KIAA1671: variants seen among roughly 807,000 people sequenced by gnomAD.
KIAA1671 encodes uncharacterized protein KIAA1671.
KIAA1671 carries 52 observed loss-of-function variants against 131.2 expected under a neutral mutation model. The observed-to-expected ratio is 0.40, with a 90% CI of 0.32 to 0.50. KIAA1671 has a LOEUF of 0.50. Among genes scored for constraint, KIAA1671 ranks in the 20% least tolerant of loss-of-function variants. The probability of loss-of-function intolerance (pLI) is 0.73; values close to 1 mark genes in which losing one functional copy is unlikely to be tolerated. For missense variants in KIAA1671, 2,360 were observed against 2,364.2 expected (o/e 1.00, Z 0.04); for synonymous variants, 1,003 against 961.6 (o/e 1.04, Z -0.80).
At chr22:25,045,471 T>C (rs1436605950) in intron 5 of KIAA1671, among the ~76,000 whole-genome samples, 3 of 152,230 alleles carry the variant, frequency 2.0e-5, no homozygotes, top group African/African-American at 4.8e-5. Flanking sequence ...TTGCAGTTTG[T>C]AGGTTGAGGA....
chr22:24,981,386 G>GGT (rs779546662), intron 1 of KIAA1671, among the ~76,000 whole-genome samples: 4 of 152,154 alleles, frequency 2.6e-5, no homozygotes, highest in Non-Finnish European at 5.9e-5. Context: ...GGCACACCCT[G>GGT]GTGTGTGTCT....
intron 1 of KIAA1671, among the ~76,000 whole-genome samples, chr22:24,957,763 C>T (rs1436546409): frequency 1.3e-5 from 2 of 149,650 alleles, no homozygotes; most frequent in Non-Finnish European, 1.5e-5. Flanking sequence ...CTGCAGCCTC[C>T]ACCTCCTGGG....
intron 1 of KIAA1671, among the ~76,000 whole-genome samples, chr22:24,990,518 T>C (rs1428884083): frequency 6.6e-6 from 1 of 152,162 alleles, no homozygotes; most frequent in African/African-American, 2.4e-5. Flanking sequence ...CACACCATGC[T>C]CACACACATG....
chr22:25,140,289 G>A (rs370650083), intron 6 of KIAA1671, among the ~76,000 whole-genome samples: 10 of 152,362 alleles, frequency 6.6e-5, no homozygotes, highest in African/African-American at 2.4e-4. Flanking sequence ...CTTGCCACAT[G>A]GGCTTTCTCA....
chr22:24,956,588 C>T (rs1179593529), intron 1 of KIAA1671, among the ~76,000 whole-genome samples: 2 of 152,164 alleles, frequency 1.3e-5, no homozygotes. Flanking sequence ...GCCAGCCAGC[C>T]GGGCGTGGTG....
At chr22:25,169,836 T>C (rs1357211172) in intron 6 of KIAA1671, among the ~76,000 whole-genome samples, 1 of 152,232 alleles carries the variant, frequency 6.6e-6, no homozygotes, top group Non-Finnish European at 1.5e-5. Flanking sequence ...GGGATTGATG[T>C]TGCCTGAAGC....
At chr22:25,113,397 C>T (rs747875722) in intron 6 of KIAA1671, among the ~76,000 whole-genome samples, 40 of 152,244 alleles carry the variant, frequency 2.6e-4, no homozygotes, top group Admixed American at 2.6e-3. Context: ...TGCCACCTGA[C>T]TGTGTTGGCC....
intron 4 of KIAA1671, among the ~76,000 whole-genome samples, chr22:25,036,785 G>A (rs909344310): frequency 2.0e-5 from 3 of 152,060 alleles, no homozygotes; most frequent in Admixed American, 1.3e-4. Context: ...TTAGCCAGGC[G>A]TGGTGGTGCA....
At chr22:25,109,354 C>T (rs908353756) in intron 6 of KIAA1671, among the ~76,000 whole-genome samples, 19 of 152,194 alleles carry the variant, frequency 1.2e-4, no homozygotes, top group African/African-American at 3.6e-4. Flanking sequence ...GTGATCCACC[C>T]GCCTCGGCCT....
intron 5 of KIAA1671, among the ~76,000 whole-genome samples, chr22:25,048,397 T>G (rs748671148): frequency 1.3e-5 from 2 of 152,118 alleles, no homozygotes; most frequent in Non-Finnish European, 2.9e-5. Context: ...CTGGGACATG[T>G]GGGGACACTG....
intron 6 of KIAA1671, among the ~76,000 whole-genome samples, chr22:25,072,188 C>T (rs1374512057): frequency 3.9e-5 from 6 of 152,186 alleles, no homozygotes; most frequent in African/African-American, 1.4e-4. Flanking sequence ...GGCCTAAGCT[C>T]ATCCTGGCCA....
intron 6 of KIAA1671, among the ~76,000 whole-genome samples, chr22:25,124,816 T>C (rs948244550): frequency 6.6e-6 from 1 of 152,128 alleles, no homozygotes; most frequent in Admixed American, 6.6e-5. Flanking sequence ...GAGTGCAGCA[T>C]TGTGATCATA....
At position 25,112,351 on chromosome 22, in the gene KIAA1671, C is replaced by A. The variant is rs1330582716; in HGVS notation, c.4531-58469C>A. 1.0e-5 allele frequency: 4 copies of A among 398,990 alleles called. No individual in the cohort carries two copies. In the Admixed American group the frequency reaches 1.8e-4, roughly 18 times the overall value. The allele number at this position is 398,990 out of a possible 1,614,324, so 24.7% of individuals were successfully genotyped here. On this transcript the variant is annotated intron_variant, in intron 6 of 12. Transcript: ENST00000358431. ...CCCCCTTCAAGCGTACTTCCTCCTT[C>A]CGACACCTGGCTTCCCGGAGTCGGG...
At chr22:25,082,449 A>G (rs1051382143) in intron 6 of KIAA1671, among the ~76,000 whole-genome samples, 1 of 152,212 alleles carries the variant, frequency 6.6e-6, no homozygotes, top group African/African-American at 2.4e-5. Context: ...ATTGGAGCCC[A>G]GAGGACACAA....
chr22:25,065,308 A>G (rs989420489), intron 6 of KIAA1671: 5 of 152,246 alleles, frequency 3.3e-5, no homozygotes, highest in African/African-American at 1.2e-4. Flanking sequence ...CAGGGAGAGC[A>G]TGAGGAATGG....
At position 24,970,572 on chromosome 22, in the gene KIAA1671, ACAGC is replaced by A. The variant is rs537677368; in HGVS notation, c.-208+17804_-208+17807del. Among the ~76,000 whole-genome samples the A allele has an allele frequency of 3.7e-3, 557 of 152,210 alleles. 2 individuals carry two copies. The highest frequency in any genetic ancestry group is 6.3e-3 in the Non-Finnish European group (429 of 67,998). On this transcript the variant is annotated intron_variant, in intron 1 of 12. Coordinates refer to ENST00000358431, the MANE Select transcript of KIAA1671 (RefSeq NM_001145206.2). ...CCTTTATCATGTAAAGGCTCCTAGC[ACAGC>A]CAGGCACATCGTCAGTGCCTCTTCC...
intron 5 of KIAA1671, among the ~76,000 whole-genome samples, chr22:25,045,408 C>T (rs1927169370): frequency 6.6e-6 from 1 of 152,174 alleles, no homozygotes; most frequent in South Asian, 2.1e-4. Flanking sequence ...TGCCCAACAT[C>T]CTACAAGGCA....
intron 6 of KIAA1671, among the ~76,000 whole-genome samples, chr22:25,126,233 A>G (rs1013907749): frequency 1.3e-5 from 2 of 152,218 alleles, no homozygotes; most frequent in African/African-American, 4.8e-5. Context: ...CCAGCACCTC[A>G]CGTTCCCACC....
Position 25,040,551 on chromosome 22 carries a change from C to G in KIAA1671, c.3421C>G (p.Arg1141Gly). ...WSHRGSEDGPRPQSNWKESAN... is the reference protein window; with the variant it reads ...WSHRGSEDGPGPQSNWKESAN... ...TCATCGGGGATCAGAAGATGGCCCTCGTCCTCAAAGCAATTGGAAGGAAAG... is the reference window on the plus strand; with the variant it reads ...TCATCGGGGATCAGAAGATGGCCCTGGTCCTCAAAGCAATTGGAAGGAAAG... Residue 1141 changes from arginine (R) to glycine (G), a missense_variant, in exon 5 of 13, where the codon CGT becomes GGT. Arg to Gly is a moderately radical substitution (Grantham distance 125). This residue lies in a region of KIAA1671 where 1,161 missense variants were observed against 1,204.7 expected (regional missense o/e 0.96). Transcript: ENST00000358431. The G allele has an allele frequency of 6.4e-7, 1 of 1,551,796 alleles. No homozygotes were observed. Among genetic ancestry groups the G allele is most frequent in the Non-Finnish European group, 8.7e-7 (1 of 1,147,028 alleles).
Sources: allele counts gnomAD v4.1 joint callset (sites outside exome capture counted in the v4.1 genomes callset), GRCh38; gene constraint gnomAD v4.1.1; regional missense constraint gnomAD v4.1.1; transcripts MANE v1.5; gene names NCBI Gene and HGNC (gene_info 2026-07-23, HGNC 2026-07-21).